Variants in COL11A1 observed in about 807,000 individuals in gnomAD.
The protein encoded by COL11A1 is collagen type XI alpha 1 chain, also known as collagen alpha-1(XI) chain.
Under a neutral mutation model 265.2 loss-of-function variants are expected in COL11A1, and 74 were observed. That is an observed-to-expected ratio of 0.28 (90% CI 0.23 to 0.34). The LOEUF (loss-of-function observed/expected upper bound fraction) is 0.34, where lower values mean the gene tolerates loss of function less well. COL11A1 is among the 10% of genes least tolerant of loss of function. COL11A1 has a pLI of 1.00. For missense variants in COL11A1, 2,165 were observed against 2,263.6 expected, an observed-to-expected ratio of 0.96 and a Z score of 0.88; for synonymous variants, 816 against 727.6, an observed-to-expected ratio of 1.12 and a Z score of -1.96.
At chr1:103,041,347 G>T (rs1668793223) in intron 4 of COL11A1, among the ~76,000 whole-genome samples, 1 of 151,642 alleles carries the variant, frequency 6.6e-6, no homozygotes. Context: ...TTGGGTATCA[G>T]CTTTTTACAT....
intron 1 of COL11A1, among the ~76,000 whole-genome samples, chr1:103,095,747 G>T (rs1673704484): frequency 1.3e-5 from 2 of 151,478 alleles, no homozygotes; most frequent in Non-Finnish European, 2.9e-5. Flanking sequence ...AGAAAATATT[G>T]TTCAGTTTGG....
intron 4 of COL11A1, among the ~76,000 whole-genome samples, chr1:103,045,903 G>A (rs561516044): frequency 2.0e-5 from 3 of 151,984 alleles, no homozygotes; most frequent in Admixed American, 6.6e-5. Context: ...TGCTGAGAAC[G>A]ATGGTTTCCA....
intron 41 of COL11A1, among the ~76,000 whole-genome samples, chr1:102,948,971 A>T (rs759501492): frequency 2.0e-5 from 3 of 152,052 alleles, no homozygotes; most frequent in Non-Finnish European, 2.9e-5. Flanking sequence ...GTCAGGAAGG[A>T]AGAAAAAAGT....
In COL11A1 at chr1:102,940,373, G is replaced by C. The variant is rs746773373; in HGVS notation, c.3338C>G (p.Pro1113Arg). The C allele has an allele frequency of 6.2e-7, 1 of 1,613,986 alleles. No individual in the cohort carries two copies. The highest frequency in any genetic ancestry group is 8.5e-7 in the Non-Finnish European group (1 of 1,179,972). Reference sequence around the variant, plus strand: ...GGAGCCGGCAGGACCAGCTGGCCCTGGGAGACCAACAGGACCTTGAACTCC... The same window carrying C: ...GGAGCCGGCAGGACCAGCTGGCCCTCGGAGACCAACAGGACCTTGAACTCC... Reference protein sequence around the residue: ...RDGVQGPVGLPGPAGPAGSPG... With the variant: ...RDGVQGPVGLRGPAGPAGSPG... Residue 1113 changes from proline (P) to arginine (R), a missense_variant, in exon 43 of 67, where the codon CCA (proline) becomes CGA (arginine). Physicochemically the swap from Pro to Arg is moderately radical, Grantham distance 103 (BLOSUM62 -2). Transcript: ENST00000370096.
Position 102,962,777 on chromosome 1 carries a change from A to G in COL11A1, c.2917-17T>C, listed in dbSNP as rs768265113. The G allele has an allele frequency of 1.9e-6, 3 of 1,606,392 alleles. No individual in the cohort carries two copies. Among genetic ancestry groups the G allele is most frequent in the Non-Finnish European group, 2.6e-6 (3 of 1,173,074 alleles). On this transcript the variant is annotated splice_polypyrimidine_tract_variant and intron_variant, in intron 38 of 66. Transcript: ENST00000370096. Reference sequence around the variant, plus strand: ...GGTTGGTCCCTAAATTAGATAAGCAAAATCACTTTAGATTGCTCTTTTATT... The same window carrying G: ...GGTTGGTCCCTAAATTAGATAAGCAGAATCACTTTAGATTGCTCTTTTATT...
chr1:103,018,728 T>C (rs1666760995), intron 10 of COL11A1, 90 bp downstream of exon 10: 9 of 1,009,850 alleles, frequency 8.9e-6, no homozygotes, highest in South Asian at 1.4e-5. Flanking sequence ...ATATTCTAAT[T>C]AGTCTAAAAT....
At chr1:102,965,623 A>C in intron 37 of COL11A1, 83 bp from the exon 38 acceptor site, 1 of 1,121,296 alleles carries the variant, frequency 8.9e-7, no homozygotes, top group South Asian at 1.3e-5. Context: ...TGAATAAGTC[A>C]CATTAAAAGA....
chr1:103,030,627 T>C (rs1244808681), intron 5 of COL11A1, among the ~76,000 whole-genome samples: 1 of 151,728 alleles, frequency 6.6e-6, no homozygotes, highest in Admixed American at 6.6e-5. Context: ...TCACATGCTT[T>C]TAAATTTTCC....
chr1:102,891,442 C>T (rs1326538903), intron 57 of COL11A1, among the ~76,000 whole-genome samples: 1 of 150,986 alleles, frequency 6.6e-6, no homozygotes, highest in Non-Finnish European at 1.5e-5. Flanking sequence ...TTTAATAGTC[C>T]CAGACTAAGA....
intron 4 of COL11A1, among the ~76,000 whole-genome samples, chr1:103,067,879 CTT>C (rs140466331): frequency 0.022 from 3,337 of 151,570 alleles, 138 homozygotes; most frequent in African/African-American, 0.077. Flanking sequence ...AAAAATAAAA[CTT>C]AACATGATCA....
At chr1:102,981,867 C>A (rs576781831) in intron 31 of COL11A1, among the ~76,000 whole-genome samples, 1 of 151,780 alleles carries the variant, frequency 6.6e-6, no homozygotes, top group East Asian at 1.9e-4. Context: ...TTTTTAATAC[C>A]TTTATGGTTT....
chr1:102,919,044 T>C (rs905642290), intron 49 of COL11A1, among the ~76,000 whole-genome samples: 13 of 152,000 alleles, frequency 8.6e-5, no homozygotes, highest in Admixed American at 2.6e-4. Context: ...CCTTGGTGCC[T>C]TTTGTCTAAT....
At chr1:103,042,271 T>C (rs796990658) in intron 4 of COL11A1, among the ~76,000 whole-genome samples, 41 of 152,232 alleles carry the variant, frequency 2.7e-4, no homozygotes, top group African/African-American at 8.4e-4. Flanking sequence ...ATAAATAAGA[T>C]ATGAGACACA....
At chr1:102,984,860 T>C (rs1570944705) in intron 30 of COL11A1, among the ~76,000 whole-genome samples, 1 of 152,164 alleles carries the variant, frequency 6.6e-6, no homozygotes, top group South Asian at 2.1e-4. Context: ...GAATATACTA[T>C]TTTGTTCCAG....
chr1:103,071,384 T>C (rs1330433685), intron 4 of COL11A1, among the ~76,000 whole-genome samples: 1 of 151,560 alleles, frequency 6.6e-6, no homozygotes, highest in Non-Finnish European at 1.5e-5. Context: ...GCAATACAAC[T>C]TTTCTAATTT....
chr1:103,024,844 C>A (rs868301798), intron 7 of COL11A1, among the ~76,000 whole-genome samples: 2 of 151,828 alleles, frequency 1.3e-5, no homozygotes, highest in African/African-American at 2.4e-5. Context: ...TAAAATTATA[C>A]CAAAATGTAT....
chr1:102,914,912 A>C (rs1417940079), intron 50 of COL11A1, 101 bp from the exon 51 acceptor site: 8 of 965,994 alleles, frequency 8.3e-6, no homozygotes, highest in African/African-American at 5.0e-5. Flanking sequence ...GGGCCAGAAT[A>C]TATTTTTTTT....
At chr1:102,931,653 AC>A (rs1163280116) in intron 46 of COL11A1, among the ~76,000 whole-genome samples, 3 of 151,416 alleles carry the variant, frequency 2.0e-5, no homozygotes, top group African/African-American at 7.3e-5. Context: ...ATCCTTGTTG[AC>A]TTTCTGTCTC....
chr1:103,107,047 T>C (rs1036426698), intron 1 of COL11A1, among the ~76,000 whole-genome samples: 4 of 152,130 alleles, frequency 2.6e-5, no homozygotes, highest in Non-Finnish European at 5.9e-5. Flanking sequence ...CCAAAGGCTT[T>C]CGCCTGCCAG....
Sources: gnomAD v4.1 joint callset for allele counts (sites outside exome capture counted in the v4.1 genomes callset) on GRCh38, gnomAD v4.1.1 for gene constraint, MANE v1.5 for transcripts, NCBI Gene and HGNC (gene_info 2026-07-23, HGNC 2026-07-21) for gene names.